Variants in CCDC192 observed in about 807,000 individuals in gnomAD.
The protein encoded by CCDC192 is coiled-coil domain containing 192, also known as coiled-coil domain-containing protein 192.
intron 5 of CCDC192, among the ~76,000 whole-genome samples, chr5:127,848,237 C>T (rs926739366): frequency 1.3e-5 from 2 of 152,164 alleles, no homozygotes; most frequent in South Asian, 2.1e-4. Context: ...AAACCCTTCA[C>T]GTGGTCACAC....
At chr5:127,914,763 G>C (rs7702027) in intron 6 of CCDC192, among the ~76,000 whole-genome samples, 22,305 of 152,076 alleles carry the variant, frequency 0.15, 1,797 homozygotes, top group South Asian at 0.21. Flanking sequence ...AGCTTAACAT[G>C]AATTAACTCA....
At chr5:127,738,808 T>A (rs545450041) in intron 2 of CCDC192, among the ~76,000 whole-genome samples, 8 of 152,324 alleles carry the variant, frequency 5.3e-5, no homozygotes, top group African/African-American at 1.9e-4. Flanking sequence ...TTCTCTGTAT[T>A]GGTTATTCTA....
intron 2 of CCDC192, among the ~76,000 whole-genome samples, chr5:127,728,067 A>G (rs1295791350): frequency 6.6e-6 from 1 of 152,210 alleles, no homozygotes; most frequent in African/African-American, 2.4e-5. Context: ...CCTACAACTG[A>G]TTGGGGTACC....
intron 6 of CCDC192, among the ~76,000 whole-genome samples, chr5:127,936,341 C>T (rs1439565185): frequency 2.0e-5 from 3 of 152,162 alleles, no homozygotes; most frequent in South Asian, 2.1e-4. Flanking sequence ...GTATGAAGAA[C>T]AGGAAGCTGG....
intron 5 of CCDC192, among the ~76,000 whole-genome samples, chr5:127,871,291 A>G (rs1257023547): frequency 1.3e-5 from 2 of 152,230 alleles, no homozygotes; most frequent in Admixed American, 1.3e-4. Context: ...CTTAATTTCT[A>G]AAAAAAGAAG....
At chr5:127,749,927 G>C (rs1433626674) in intron 2 of CCDC192, among the ~76,000 whole-genome samples, 1 of 152,022 alleles carries the variant, frequency 6.6e-6, no homozygotes, top group Non-Finnish European at 1.5e-5. Flanking sequence ...TTCTCTGATG[G>C]TAGTTTGTAT....
At chr5:127,874,484 A>G (rs1227877133) in intron 5 of CCDC192, among the ~76,000 whole-genome samples, 2 of 152,170 alleles carry the variant, frequency 1.3e-5, no homozygotes, top group Admixed American at 6.5e-5. Context: ...GCCTGTTTCT[A>G]TTTAAGACCA....
chr5:127,743,366 C>T (rs796114232), intron 2 of CCDC192, among the ~76,000 whole-genome samples: 16 of 152,276 alleles, frequency 1.1e-4, no homozygotes, highest in African/African-American at 3.9e-4. Flanking sequence ...CTAAATCATC[C>T]CTTCGTTTAA....
intron 5 of CCDC192, among the ~76,000 whole-genome samples, chr5:127,836,466 T>G (rs903487954): frequency 1.3e-4 from 20 of 152,208 alleles, no homozygotes; most frequent in Non-Finnish European, 1.9e-4. Flanking sequence ...CAGTGGGGAC[T>G]CTGTATGGGG....
chr5:127,807,084 G>A (rs1440604300), intron 5 of CCDC192, among the ~76,000 whole-genome samples: 1 of 152,104 alleles, frequency 6.6e-6, no homozygotes, highest in African/African-American at 2.4e-5. Flanking sequence ...GCCCCATATA[G>A]TTTTTTGGAG....
intron 5 of CCDC192, among the ~76,000 whole-genome samples, chr5:127,855,825 G>T (rs1751062440): frequency 2.0e-5 from 3 of 152,154 alleles, no homozygotes; most frequent in Non-Finnish European, 4.4e-5. Flanking sequence ...TTCTGAAAGG[G>T]ATCTTTCTTT....
chr5:127,889,663 A>G (rs1752673462), intron 6 of CCDC192, among the ~76,000 whole-genome samples: 1 of 152,102 alleles, frequency 6.6e-6, no homozygotes, highest in Admixed American at 6.5e-5. Flanking sequence ...CAGCCTCCCA[A>G]AGTGCTGGGA....
At chr5:127,785,174 A>T (rs565699437) in intron 3 of CCDC192, 5 of 528,058 alleles carry the variant, frequency 9.5e-6, no homozygotes, top group Non-Finnish European at 1.5e-5. Flanking sequence ...TTAGTTACCA[A>T]TTCTCCTTTA....
At chr5:127,939,648 C>T (rs1322234057) in intron 6 of CCDC192, among the ~76,000 whole-genome samples, 7 of 151,600 alleles carry the variant, frequency 4.6e-5, no homozygotes, top group Non-Finnish European at 8.8e-5. Flanking sequence ...GTGATGACTG[C>T]CAATTAATTT....
chr5:127,823,676 G>A (rs923840161), intron 5 of CCDC192, among the ~76,000 whole-genome samples: 5 of 152,142 alleles, frequency 3.3e-5, no homozygotes, highest in South Asian at 4.1e-4. Flanking sequence ...GGAAAGAGCT[G>A]TCCTCAAAGC....
intron 5 of CCDC192, among the ~76,000 whole-genome samples, chr5:127,806,874 C>T (rs912721613): frequency 6.6e-6 from 1 of 152,102 alleles, no homozygotes; most frequent in Non-Finnish European, 1.5e-5. Flanking sequence ...TTATAGAGAG[C>T]AGAAAGATGA....
At chr5:127,919,675 T>C (rs1753651844) in intron 6 of CCDC192, among the ~76,000 whole-genome samples, 1 of 152,216 alleles carries the variant, frequency 6.6e-6, no homozygotes, top group Admixed American at 6.5e-5. Context: ...TGCTACTCCA[T>C]AGGAAAGTGC....
At chr5:127,752,689 A>G (rs1008209365) in intron 2 of CCDC192, among the ~76,000 whole-genome samples, 21 of 152,350 alleles carry the variant, frequency 1.4e-4, no homozygotes, top group Admixed American at 3.3e-4. Context: ...AGCCTGGGCA[A>G]TGGCGGGCGC....
At chr5:127,790,409 A>T (rs952021636) in intron 3 of CCDC192, among the ~76,000 whole-genome samples, 2 of 152,222 alleles carry the variant, frequency 1.3e-5, no homozygotes, top group African/African-American at 4.8e-5. Context: ...TAATGATCAA[A>T]TCAGGGTAAT....
Sources: allele counts gnomAD v4.1 joint callset (sites outside exome capture counted in the v4.1 genomes callset), GRCh38; gene constraint gnomAD v4.1.1; transcripts MANE v1.5; gene names NCBI Gene and HGNC (gene_info 2026-07-23, HGNC 2026-07-21).